SNX13: variants seen among roughly 807,000 people sequenced by gnomAD.
SNX13 encodes the protein sorting nexin 13, also known as sorting nexin-13.
SNX13 carries 45 observed loss-of-function variants against 133.6 expected under a neutral mutation model. The observed-to-expected ratio is 0.34, with a 90% CI of 0.27 to 0.43. The LOEUF (loss-of-function observed/expected upper bound fraction) is 0.43, where lower values mean the gene tolerates loss of function less well. Ranked by LOEUF, SNX13 falls within the 20% of genes least tolerant of loss-of-function variation. SNX13 has a pLI of 1.00. For synonymous variants in SNX13, 414 were observed against 373.9 expected (o/e 1.11, Z -1.24); for missense variants, 1,032 against 1,145.1 (o/e 0.90, Z 1.43).
At chr7:17,882,661 G>C in intron 5 of SNX13, 1 of 310,154 alleles carries the variant, frequency 3.2e-6, no homozygotes. Context: ...AAAATGTGGA[G>C]TGTGATGGAG....
intron 1 of SNX13, among the ~76,000 whole-genome samples, chr7:17,905,778 C>T (rs1197718611): frequency 1.3e-5 from 2 of 152,188 alleles, no homozygotes; most frequent in African/African-American, 4.8e-5. Context: ...AACCTAAGCC[C>T]AACGCTCAAG....
intron 8 of SNX13, among the ~76,000 whole-genome samples, chr7:17,871,206 C>A (rs139905542): frequency 6.6e-6 from 1 of 152,056 alleles, no homozygotes; most frequent in African/African-American, 2.4e-5. Flanking sequence ...GGCGTTTCAC[C>A]GTGTTAGCCA....
intron 16 of SNX13, among the ~76,000 whole-genome samples, chr7:17,828,014 T>G (rs1488850579): frequency 6.6e-6 from 1 of 151,818 alleles, no homozygotes; most frequent in African/African-American, 2.4e-5. Context: ...TATGTTAACA[T>G]TTAACATGCT....
rs373616163 is a variant in SNX13 at position 17,903,898 on chromosome 7, T to C, written c.13-6452A>G. ...GTCTGAAAATCAATTTATCCATGTA[T>C]CTTCTAAATACATAATGGAAAAAAT... On this transcript the variant is annotated intron_variant, in intron 1 of 25. Transcript: ENST00000428135. Among the ~76,000 whole-genome samples, 32 of 152,318 alleles carry C rather than the reference T, an allele frequency of 2.1e-4. No homozygotes were observed. In the South Asian group the frequency reaches 6.6e-3, roughly 32 times the overall value.
chr7:17,855,599 C>T (rs963147541), intron 9 of SNX13, among the ~76,000 whole-genome samples: 1 of 152,178 alleles, frequency 6.6e-6, no homozygotes, highest in Non-Finnish European at 1.5e-5. Context: ...AGAAATGGAA[C>T]AAGAAAGCCT....
chr7:17,829,609 T>C (rs1438160598), intron 16 of SNX13, among the ~76,000 whole-genome samples: 1 of 151,420 alleles, frequency 6.6e-6, no homozygotes, highest in East Asian at 1.9e-4. Context: ...TTTGTATTTC[T>C]TTCTAAATAC....
intron 2 of SNX13, among the ~76,000 whole-genome samples, chr7:17,897,064 ATTTTT>A (rs1184035488): frequency 6.6e-6 from 1 of 152,108 alleles, no homozygotes; most frequent in Non-Finnish European, 1.5e-5. Context: ...AATTTGAAAA[ATTTTT>A]TAAACTTTAC....
intron 3 of SNX13, among the ~76,000 whole-genome samples, chr7:17,892,364 A>T (rs1179813131): frequency 6.6e-6 from 1 of 152,016 alleles, no homozygotes; most frequent in East Asian, 1.9e-4. Context: ...CCATTCTTGA[A>T]TATAATTTAT....
rs1380867136 is a variant in SNX13 at position 17,793,196 on chromosome 7, T to C, written c.*849A>G. The C allele has an allele frequency of 6.6e-6, 1 of 152,334 alleles. No individual in the cohort carries two copies. Among genetic ancestry groups the C allele is most frequent in the East Asian group, 1.9e-4 (1 of 5,202 alleles). The allele number at this position is 152,334 out of a possible 1,614,324, so 9.4% of individuals were successfully genotyped here. A position where few individuals can be genotyped will look rare whatever the true frequency, so the allele number is the denominator to read the frequency against. ...ATATTTTTAGAAGGACAAAATGTAT[T>C]TGGCAGTTCTTCCAATAAATTATAT... On this transcript the variant is annotated 3_prime_UTR_variant, in exon 26 of 26. Transcript: ENST00000428135.
At chr7:17,873,683 T>C in intron 7 of SNX13, 67 bp from the exon 8 acceptor site, 3 of 951,788 alleles carry the variant, frequency 3.2e-6, no homozygotes, top group Non-Finnish European at 4.5e-6. Flanking sequence ...TCTTGATATA[T>C]AAGATACATT....
Position 17,794,064 on chromosome 7 carries a change from G to A in SNX13, c.2855C>T (p.Pro952Leu). 1 of 1,611,268 alleles carries A rather than the reference G, an allele frequency of 6.2e-7. No homozygotes were observed. Among genetic ancestry groups the A allele is most frequent in the Non-Finnish European group, 8.5e-7 (1 of 1,178,142 alleles). The change falls in exon 26 of 26, where the codon CCT becomes CTT. Residue 952 changes from proline to leucine, a missense_variant. By Grantham distance (98) the Pro-to-Leu change is moderately conservative. Coordinates refer to ENST00000428135, the MANE Select transcript of SNX13 (RefSeq NM_015132.5). ...GGAGTGTCACCTTTTCTGCAAAGAA[G>A]GCGCTTGAGTAGTTTGAAGTTTCTG... ...YKQKLQTTQA[P>L]SLQKR
At position 17,904,924 on chromosome 7, in the gene SNX13, A is replaced by T. The variant is rs191697492; in HGVS notation, c.13-7478T>A. 1.6e-4 allele frequency among the ~76,000 whole-genome samples: 25 copies of T among 152,268 alleles called. No homozygotes were observed. In the East Asian group the frequency reaches 4.1e-3, roughly 25 times the overall value. The stretch of plus-strand genomic sequence containing the variant: ...TTCAGCATCAAATAATAATGTAACC[A>T]AGGCCAAGTACACAGAAGCTGCTCA... On this transcript the variant is annotated intron_variant, in intron 1 of 25. Transcript: ENST00000428135.
At position 17,870,537 on chromosome 7, in the gene SNX13, C is replaced by A. The variant is rs114853335; in HGVS notation, c.754-2047G>T. On this transcript the variant is annotated intron_variant, in intron 8 of 25. Coordinates refer to ENST00000428135, the MANE Select transcript of SNX13 (RefSeq NM_015132.5). ...TTTAAAAAAATGTGCTCATTAAAAT[C>A]CTACTTATTTTAAATAACTTCCTGT... Among the ~76,000 whole-genome samples the A allele has an allele frequency of 5.5e-3, 844 of 152,214 alleles. 5 individuals carry two copies. Among genetic ancestry groups the A allele is most frequent in the African/African-American group, 0.019 (770 of 41,536 alleles).
rs1435732064 is a variant in SNX13, at chr7:17,791,207, T to C, written c.*2838A>G. The stretch of plus-strand genomic sequence containing the variant: ...TTACAATTACTCAAATACACATGCA[T>C]TAAATGAAAATATTGCACAAAATTA... On this transcript the variant is annotated 3_prime_UTR_variant, in exon 26 of 26. Transcript: ENST00000428135. 2 of 151,994 alleles carry C rather than the reference T, an allele frequency of 1.3e-5. No homozygotes were observed. Among genetic ancestry groups the C allele is most frequent in the Non-Finnish European group, 2.9e-5 (2 of 67,906 alleles). The allele number at this position is 151,994 out of a possible 1,614,324, so 9.4% of individuals were successfully genotyped here. A position where few individuals can be genotyped will look rare whatever the true frequency, so the allele number is the denominator to read the frequency against.
At chr7:17,880,429 C>A (rs1431246723) in intron 5 of SNX13, 1 of 152,182 alleles carries the variant, frequency 6.6e-6, no homozygotes, top group Admixed American at 6.5e-5. Flanking sequence ...AAAAGTGTAA[C>A]TGGGATATTT....
intron 18 of SNX13, among the ~76,000 whole-genome samples, chr7:17,820,644 G>C (rs989046405): frequency 6.6e-6 from 1 of 151,914 alleles, no homozygotes; most frequent in Admixed American, 6.6e-5. Flanking sequence ...GATTATCATG[G>C]TGCCAACTAT....
intron 1 of SNX13, among the ~76,000 whole-genome samples, chr7:17,910,198 T>C (rs930303680): frequency 6.6e-6 from 1 of 152,234 alleles, no homozygotes; most frequent in Non-Finnish European, 1.5e-5. Flanking sequence ...GATATTTAAT[T>C]AGACCTCCAA....
chr7:17,801,714 A>C, intron 21 of SNX13, 55 bp from the exon 22 acceptor site: 2 of 1,315,400 alleles, frequency 1.5e-6, no homozygotes, highest in Non-Finnish European at 2.1e-6. Flanking sequence ...CAGTGAAAGA[A>C]CACAACACAA....
intron 12 of SNX13, among the ~76,000 whole-genome samples, chr7:17,843,306 C>G (rs1171293214): frequency 6.6e-6 from 1 of 151,954 alleles, no homozygotes; most frequent in Non-Finnish European, 1.5e-5. Flanking sequence ...CTGAAATAGA[C>G]TTTAAATCAA....
Sources: gnomAD v4.1 joint callset for allele counts (sites outside exome capture counted in the v4.1 genomes callset) on GRCh38, gnomAD v4.1.1 for gene constraint, MANE v1.5 for transcripts, NCBI Gene and HGNC (gene_info 2026-07-23, HGNC 2026-07-21) for gene names.